The following CNTNAP2 variants were observed in gnomAD, a reference collection of about 807,000 sequenced individuals.
The protein encoded by CNTNAP2 is contactin associated protein 2, also known as contactin-associated protein-like 2.
In CNTNAP2, 98 loss-of-function variants were observed where a neutral mutation model predicts 155.2. That is an observed-to-expected ratio of 0.63 (90% CI 0.54 to 0.75). The LOEUF (loss-of-function observed/expected upper bound fraction) is 0.75, where lower values mean the gene tolerates loss of function less well. CNTNAP2 is among the 30% of genes least tolerant of loss of function. The pLI is 0.00. For missense variants in CNTNAP2, 1,727 were observed against 1,688.1 expected, an observed-to-expected ratio of 1.02 and a Z score of -0.40; for synonymous variants, 651 against 631.2, an observed-to-expected ratio of 1.03 and a Z score of -0.47.
At chr7:146,888,952 G>A (rs56244353) in intron 3 of CNTNAP2, among the ~76,000 whole-genome samples, 50,004 of 151,814 alleles carry the variant, frequency 0.33, 8,884 homozygotes, top group Admixed American at 0.45. Context: ...ATGATACTAC[G>A]TTGCATATTA....
chr7:147,890,936 T>A (rs1313557285), intron 13 of CNTNAP2, among the ~76,000 whole-genome samples: 1 of 152,160 alleles, frequency 6.6e-6, no homozygotes, highest in African/African-American at 2.4e-5. Context: ...TTGCTGAGAG[T>A]ACACAAAAAA....
chr7:146,664,157 CTTTTTTTTTTTTTT>C (rs35241151), intron 1 of CNTNAP2, among the ~76,000 whole-genome samples: 1 of 68,454 alleles, frequency 1.5e-5, no homozygotes, highest in Non-Finnish European at 2.7e-5. Context: ...CAATAAATTC[CTTTTTTTTTTTTTT>C]TTTTTTTTTT....
intron 3 of CNTNAP2, among the ~76,000 whole-genome samples, chr7:146,859,668 A>T (rs116664307): frequency 0.046 from 6,947 of 150,646 alleles, 286 homozygotes; most frequent in African/African-American, 0.11. Flanking sequence ...TCAAAAAAAA[A>T]AAATATATAT....
rs529015128 is a variant in CNTNAP2 at position 147,571,955 on chromosome 7, G to A, written c.1897+9698G>A. Among the ~76,000 whole-genome samples, 5 of 152,042 alleles carry A rather than the reference G, an allele frequency of 3.3e-5. No individual in the cohort carries two copies. In the East Asian group the frequency reaches 5.8e-4, roughly 18 times the overall value. On this transcript the variant is annotated intron_variant, in intron 12 of 23. Transcript: ENST00000361727. The stretch of plus-strand genomic sequence containing the variant: ...TCAGACACATCTTCTCCTCTTTGTC[G>A]ACCTCTCACAGGCTGTCTTTGTTAT...
At position 146,593,577 on chromosome 7, in the gene CNTNAP2, A is replaced by G. The variant is rs115716595; in HGVS notation, c.98-180694A>G. Among the ~76,000 whole-genome samples, 831 of 152,176 alleles carry G rather than the reference A, an allele frequency of 5.5e-3. 3 individuals are homozygous for G. The highest frequency in any genetic ancestry group is 0.018 in the African/African-American group (747 of 41,522). On this transcript the variant is annotated intron_variant, in intron 1 of 23. Coordinates refer to ENST00000361727, the MANE Select transcript of CNTNAP2 (RefSeq NM_014141.6). Reference sequence around the variant, plus strand: ...AGCTTCCTGGTTTCTTCACAGAACAAAGATCAGTACTTGGAATGTGGCAAG... The same window carrying G: ...AGCTTCCTGGTTTCTTCACAGAACAGAGATCAGTACTTGGAATGTGGCAAG...
chr7:146,542,803 A>T (rs146682227), intron 1 of CNTNAP2, among the ~76,000 whole-genome samples: 209 of 152,116 alleles, frequency 1.4e-3, no homozygotes, highest in African/African-American at 4.7e-3. Context: ...ATTTTTCTCT[A>T]AACATGTATT....
chr7:148,023,693 T>C (rs771135564), intron 15 of CNTNAP2, among the ~76,000 whole-genome samples: 14 of 152,108 alleles, frequency 9.2e-5, no homozygotes, highest in Non-Finnish European at 2.1e-4. Context: ...ACTTACTGAT[T>C]TGTGGCACAT....
chr7:147,367,952 C>A (rs1205707445), intron 9 of CNTNAP2, among the ~76,000 whole-genome samples: 2 of 151,754 alleles, frequency 1.3e-5, no homozygotes, highest in African/African-American at 2.4e-5. Context: ...TCTCACATAG[C>A]CACATACAAG....
At chr7:147,411,988 T>C (rs1797110793) in intron 10 of CNTNAP2, among the ~76,000 whole-genome samples, 1 of 152,200 alleles carries the variant, frequency 6.6e-6, no homozygotes, top group Admixed American at 6.5e-5. Context: ...ATATTTTTCC[T>C]CCAAAAATTT....
chr7:147,786,033 T>C (rs1797733405), intron 13 of CNTNAP2, among the ~76,000 whole-genome samples: 1 of 152,054 alleles, frequency 6.6e-6, no homozygotes, highest in Admixed American at 6.6e-5. Flanking sequence ...GGCTCATGCC[T>C]GTAATCCCCA....
At chr7:147,251,516 C>A (rs1464447926) in intron 8 of CNTNAP2, among the ~76,000 whole-genome samples, 1 of 152,114 alleles carries the variant, frequency 6.6e-6, no homozygotes, top group Non-Finnish European at 1.5e-5. Flanking sequence ...AGCTTGTGTG[C>A]CTATGGCTCT....
chr7:148,123,430 T>A (rs1480981700), intron 16 of CNTNAP2, among the ~76,000 whole-genome samples: 1 of 151,864 alleles, frequency 6.6e-6, no homozygotes, highest in Non-Finnish European at 1.5e-5. Flanking sequence ...TCTACAAAAC[T>A]AAAAATAAAA....
Position 146,779,877 on chromosome 7 carries a change from T to C in CNTNAP2, c.208+5496T>C, listed in dbSNP as rs188375337. On this transcript the variant is annotated intron_variant, in intron 2 of 23. Transcript: ENST00000361727. Reference sequence around the variant, plus strand: ...CGGTCACATAATTAATAATCACTTATCAAAGGAGTATGTGAATAACAGATG... The same window carrying C: ...CGGTCACATAATTAATAATCACTTACCAAAGGAGTATGTGAATAACAGATG... Among the ~76,000 whole-genome samples the C allele has an allele frequency of 1.1e-3, 167 of 152,300 alleles. 1 individual carries two copies. Among genetic ancestry groups the C allele is most frequent in the African/African-American group, 3.8e-3 (157 of 41,562 alleles).
chr7:148,290,798 C>T (rs568511378), intron 21 of CNTNAP2, among the ~76,000 whole-genome samples: 2 of 152,310 alleles, frequency 1.3e-5, no homozygotes, highest in South Asian at 4.1e-4. Context: ...TGGTGCTATT[C>T]TGGCTCTAAA....
chr7:147,181,196 G>C (rs1313778405), intron 8 of CNTNAP2, among the ~76,000 whole-genome samples: 3 of 152,070 alleles, frequency 2.0e-5, no homozygotes, highest in Non-Finnish European at 2.9e-5. Context: ...GTTTGAGCTG[G>C]GGGGACAGCA....
rs180751357 is a variant in CNTNAP2, at chr7:147,474,357, G to T, written c.1671-11578G>T. Among the ~76,000 whole-genome samples, 146 of 152,212 alleles carry T rather than the reference G, an allele frequency of 9.6e-4. 1 individual carries two copies. The highest frequency in any genetic ancestry group is 3.3e-3 in the African/African-American group (138 of 41,556). The stretch of plus-strand genomic sequence containing the variant: ...GCCTGTAATCCCAACACTTTGGGAG[G>T]CCAAGGTGGGCAGATCACCTGAGGT... On this transcript the variant is annotated intron_variant, in intron 10 of 23. Transcript: ENST00000361727.
chr7:146,738,136 G>C (rs369786000), intron 1 of CNTNAP2, among the ~76,000 whole-genome samples: 1 of 151,938 alleles, frequency 6.6e-6, no homozygotes, highest in Admixed American at 6.5e-5. Context: ...CCCACAAATA[G>C]TGTGCATGGG....
intron 14 of CNTNAP2, among the ~76,000 whole-genome samples, chr7:147,945,738 G>C (rs1263655010): frequency 2.0e-5 from 3 of 151,232 alleles, no homozygotes; most frequent in African/African-American, 7.3e-5. Flanking sequence ...GACTCCAGAA[G>C]ATGGTAAAAT....
chr7:146,700,328 G>T (rs1170716533), intron 1 of CNTNAP2, among the ~76,000 whole-genome samples: 1 of 152,028 alleles, frequency 6.6e-6, no homozygotes, highest in Admixed American at 6.6e-5. Context: ...TTATCTGAAG[G>T]ATCTAAGAAA....
Sources: gnomAD v4.1 joint callset for allele counts (sites outside exome capture counted in the v4.1 genomes callset) on GRCh38, gnomAD v4.1.1 for gene constraint, MANE v1.5 for transcripts, NCBI Gene and HGNC (gene_info 2026-07-23, HGNC 2026-07-21) for gene names.